The following IK variants were observed in gnomAD, a reference collection of about 807,000 sequenced individuals.
IK encodes IK cytokine.
IK carries 47 observed loss-of-function variants against 90.9 expected under a neutral mutation model. That is an observed-to-expected ratio of 0.52 (90% CI 0.41 to 0.66). IK has a LOEUF of 0.66. IK is among the 30% of genes least tolerant of loss of function. The pLI, the probability that IK is intolerant of heterozygous loss-of-function variation, is 0.00. For missense variants in IK, 385 were observed against 709.3 expected, an observed-to-expected ratio of 0.54 and a Z score of 5.19; for synonymous variants, 201 against 227.5, an observed-to-expected ratio of 0.88 and a Z score of 1.05.
rs764222431 is a variant in IK at position 140,651,031 on chromosome 5, C to G, written c.84-683C>G. On this transcript the variant is annotated intron_variant, in intron 2 of 19. Coordinates refer to ENST00000417647, the MANE Select transcript of IK (RefSeq NM_006083.4). ...TTTTAACAAATACTGCAAAATTGCCCTTCAAATTGGTTATACTGGTTTACA... is the reference window on the plus strand; with the variant it reads ...TTTTAACAAATACTGCAAAATTGCCGTTCAAATTGGTTATACTGGTTTACA... Among the ~76,000 whole-genome samples, 79 of 152,216 alleles carry G rather than the reference C, an allele frequency of 5.2e-4. 2 individuals carry two copies. Among genetic ancestry groups the G allele is most frequent in the Middle Eastern group, 3.4e-3 (1 of 294 alleles).
rs201879338 is a variant in IK, at chr5:140,653,929, A to G, written c.405-9A>G. On this transcript the variant is annotated splice_polypyrimidine_tract_variant and intron_variant, in intron 5 of 19. Coordinates refer to ENST00000417647, the MANE Select transcript of IK (RefSeq NM_006083.4). ...GTACTGTTCTTATGTGGCCTCTTTC[A>G]TTATACAGGGACAAATCAGCTGCAG... 1.4e-4 allele frequency: 224 copies of G among 1,582,126 alleles called. 1 individual carries two copies. In the African/African-American group the frequency reaches 2.4e-3, roughly 17 times the overall value.
Position 140,655,701 on chromosome 5 carries a change from G to C in IK, c.638-128G>C, listed in dbSNP as rs555481781. 142 of 805,380 alleles carry C rather than the reference G, an allele frequency of 1.8e-4. No homozygotes were observed. The Middle Eastern group carries it at 1.8e-3, about 10-fold the overall frequency. The allele number at this position is 805,380 out of a possible 1,614,324, so 49.9% of individuals were successfully genotyped here. A position where few individuals can be genotyped will look rare whatever the true frequency, so the allele number is the denominator to read the frequency against. ...AGGATAATAATATCCACTTCATAGG[G>C]CTGTTGCAAAGATTAAATGACGCAA... On this transcript the variant is annotated intron_variant, in intron 8 of 19. Transcript: ENST00000417647.
intron 1 of IK, chr5:140,648,216 C>T: frequency 4.3e-6 from 3 of 703,986 alleles, no homozygotes; most frequent in East Asian, 2.7e-5. Flanking sequence ...CTGGGTTGCG[C>T]GTATTTATCT....
intron 9 of IK, among the ~76,000 whole-genome samples, chr5:140,656,868 CTA>C (rs910498015): frequency 2.0e-5 from 3 of 152,194 alleles, no homozygotes; most frequent in Non-Finnish European, 2.9e-5. Flanking sequence ...TTCATTCTTT[CTA>C]TTTTTTTGGT....
At position 140,653,883 on chromosome 5, in the gene IK, G is replaced by A. The variant is rs548514924; in HGVS notation, c.405-55G>A. On this transcript the variant is annotated intron_variant, in intron 5 of 19. Coordinates refer to ENST00000417647, the MANE Select transcript of IK (RefSeq NM_006083.4). ...CTCCCAGAGTACTGGGATTACAGGC[G>A]TGATCCACCACGCCTGGACAGTACT... 27 of 1,115,930 alleles carry A rather than the reference G, an allele frequency of 2.4e-5. No individual in the cohort carries two copies. In the South Asian group the frequency reaches 2.6e-4, roughly 11 times the overall value. 69.1% of individuals were successfully genotyped at this position (1,115,930 alleles called of 1,614,324 possible).
Position 140,657,637 on chromosome 5 carries a change from C to T in IK, c.885C>T (p.Asn295=). ...ILSYLRQGTR[N]KKLKKKDKGK... The stretch of plus-strand genomic sequence containing the variant: ...CATACCTGAGGCAGGGAACCCGTAA[C>T]AAGAAGCTTAAGAAGAAGGATAAAG... Residue 295 remains asparagine, a synonymous_variant, in exon 10 of 20, where the codon AAC becomes AAT. Transcript: ENST00000417647. The T allele has an allele frequency of 1.9e-6, 3 of 1,611,978 alleles. No homozygotes were observed. The highest frequency in any genetic ancestry group is 2.5e-6 in the Non-Finnish European group (3 of 1,178,354).
chr5:140,648,638 T>A, intron 2 of IK, 101 bp downstream of exon 2: 2 of 1,149,450 alleles, frequency 1.7e-6, no homozygotes, highest in African/African-American at 1.5e-5. Flanking sequence ...TCAAGGATGG[T>A]AAAAAATTAT....
At chr5:140,657,891 G>A (rs1480375882) in intron 10 of IK, among the ~76,000 whole-genome samples, 2 of 152,244 alleles carry the variant, frequency 1.3e-5, no homozygotes, top group African/African-American at 2.4e-5. Context: ...AGAGTGGGTA[G>A]CTTATGTCCT....
In IK at chr5:140,657,566, C is replaced by G. The variant is rs375224727; in HGVS notation, c.814C>G (p.Leu272Val). ...DCPTMEAQTTLTTNDIVISKL... is the reference protein window; with the variant it reads ...DCPTMEAQTTVTTNDIVISKL... ...TTGGTATTTTCAGGCCCAGACCACACTGACCACAAATGACATTGTCATTAG... is the reference window on the plus strand; with the variant it reads ...TTGGTATTTTCAGGCCCAGACCACAGTGACCACAAATGACATTGTCATTAG... Residue 272 changes from leucine (L) to valine (V), a missense_variant, in exon 10 of 20, where the codon CTG (leucine) becomes GTG (valine). Physicochemically the swap from Leu to Val is conservative, Grantham distance 32 (BLOSUM62 1). Coordinates refer to ENST00000417647, the MANE Select transcript of IK (RefSeq NM_006083.4). 41 of 1,611,180 alleles carry G rather than the reference C, an allele frequency of 2.5e-5. No individual in the cohort carries two copies. The highest frequency in any genetic ancestry group is 3.2e-5 in the Non-Finnish European group (38 of 1,178,896).
chr5:140,652,954 C>T (rs1213490360), intron 4 of IK, 23 bp from the exon 5 acceptor site: 2 of 1,611,186 alleles, frequency 1.2e-6, no homozygotes, highest in Middle Eastern at 2.1e-4. Flanking sequence ...GAGCCTTATA[C>T]ATTTGCCTTT....
chr5:140,660,326 C>G, intron 15 of IK, 131 bp downstream of exon 15: 1 of 467,308 alleles, frequency 2.1e-6, no homozygotes, highest in Admixed American at 4.1e-5. Context: ...GAGACAGAGT[C>G]TCACTCTGTC....
At chr5:140,650,204 T>A (rs1234515166) in intron 2 of IK, among the ~76,000 whole-genome samples, 2 of 152,230 alleles carry the variant, frequency 1.3e-5, no homozygotes, top group Non-Finnish European at 2.9e-5. Context: ...CGGAATTAAG[T>A]TCAGTCTCTC....
intron 9 of IK, 149 bp downstream of exon 9, chr5:140,656,141 C>A: frequency 1.5e-6 from 1 of 689,614 alleles, no homozygotes; most frequent in Non-Finnish European, 2.4e-6. Context: ...CACTTTTCCA[C>A]TTTTTCACCA....
intron 5 of IK, 70 bp downstream of exon 5, chr5:140,653,214 TC>T (rs1757644390): frequency 1.5e-6 from 2 of 1,367,010 alleles, no homozygotes; most frequent in South Asian, 2.6e-5. Flanking sequence ...TGTGAACTCT[TC>T]CTCTTACTTT....
rs73271552 is a variant in IK at position 140,657,435 on chromosome 5, G to C, written c.802-119G>C. Reference sequence around the variant, plus strand: ...CTGGAATATCCTTTCACAGCACTTCGTTTCCCTCCCTTCACCTACTGTATT... The same window carrying C: ...CTGGAATATCCTTTCACAGCACTTCCTTTCCCTCCCTTCACCTACTGTATT... On this transcript the variant is annotated intron_variant, in intron 9 of 19. Transcript: ENST00000417647. 6.4e-3 allele frequency: 4,380 copies of C among 683,980 alleles called. 155 individuals are homozygous for C. The African/African-American group carries it at 0.072, about 11-fold the overall frequency. The allele number at this position is 683,980 out of a possible 1,614,324, so 42.4% of individuals were successfully genotyped here. A position where few individuals can be genotyped will look rare whatever the true frequency, so the allele number is the denominator to read the frequency against.
At chr5:140,657,000 T>C (rs533977743) in intron 9 of IK, among the ~76,000 whole-genome samples, 15 of 152,186 alleles carry the variant, frequency 9.9e-5, no homozygotes, top group Admixed American at 8.5e-4. Context: ...CACTTGAGGT[T>C]AGGAGTTCAA....
Position 140,662,407 on chromosome 5 carries a change from G to T in IK, c.*78G>T. 1 of 1,499,160 alleles carries T rather than the reference G, an allele frequency of 6.7e-7. No homozygotes were observed. The highest frequency in any genetic ancestry group is 2.3e-5 in the East Asian group (1 of 44,268). 92.9% of individuals were successfully genotyped at this position (1,499,160 alleles called of 1,614,324 possible). ...TTTCTACAATTTCCAAAGGTTGCAA[G>T]ATGTTTTTTTGTGGATGAATATAAA... On this transcript the variant is annotated 3_prime_UTR_variant, in exon 20 of 20. Coordinates refer to ENST00000417647, the MANE Select transcript of IK (RefSeq NM_006083.4).
chr5:140,659,910 C>A, intron 14 of IK, 76 bp downstream of exon 14: 1 of 1,052,716 alleles, frequency 9.5e-7, no homozygotes, highest in Non-Finnish European at 1.4e-6. Context: ...CCTCCCTGCT[C>A]CCTCCTACCC....
chr5:140,648,659 C>A, intron 2 of IK, 122 bp downstream of exon 2: 1 of 960,252 alleles, frequency 1.0e-6, no homozygotes, highest in South Asian at 1.4e-5. Context: ...ACCCGCTGGC[C>A]CTTTATCTCT....
Sources: allele counts gnomAD v4.1 joint callset (sites outside exome capture counted in the v4.1 genomes callset), GRCh38; gene constraint gnomAD v4.1.1; transcripts MANE v1.5; gene names NCBI Gene and HGNC (gene_info 2026-07-23, HGNC 2026-07-21).